CFAP57: variants seen among roughly 807,000 people sequenced by gnomAD.
The protein encoded by CFAP57 is cilia and flagella associated protein 57, also known as cilia- and flagella-associated protein 57.
A neutral mutation model predicts 146.8 loss-of-function variants in CFAP57; 116 were observed. That is an observed-to-expected ratio of 0.79 (90% CI 0.68 to 0.92). The LOEUF is 0.92. Ranked by LOEUF, CFAP57 falls within the 40% of genes least tolerant of loss-of-function variation. CFAP57 has a pLI of 0.00. For synonymous variants in CFAP57, 518 were observed against 552.8 expected (o/e 0.94, Z 0.88); for missense variants, 1,377 against 1,527.2 (o/e 0.90, Z 1.64).
rs373115482 is a variant in CFAP57 at position 43,209,750 on chromosome 1, G to T, written c.1763G>T (p.Arg588Leu). ...LKEIADSLIL[R>L]EISAFDVTYT... The stretch of plus-strand genomic sequence containing the variant: ...GAGCTGCCTGTGTCTCAGATCCTTC[G>T]AGAGATATCGGCGTTTGATGTCACC... The change falls in exon 11 of 23, where the codon CGA (arginine) becomes CTA (leucine). Residue 588 changes from arginine (R) to leucine (L), a missense_variant. Arg to Leu is a moderately radical substitution (Grantham distance 102, BLOSUM62 -2). Coordinates refer to ENST00000372492, the MANE Select transcript of CFAP57 (RefSeq NM_001378189.1). 2 of 1,613,898 alleles carry T rather than the reference G, an allele frequency of 1.2e-6. No homozygotes were observed. The highest frequency in any genetic ancestry group is 1.7e-6 in the Non-Finnish European group (2 of 1,180,002).
At chr1:43,207,015 C>A in intron 10 of CFAP57, 83 bp downstream of exon 10, 1 of 1,409,688 alleles carries the variant, frequency 7.1e-7, no homozygotes, top group Non-Finnish European at 1.0e-6. Flanking sequence ...AAAGTATGCA[C>A]GGAATGAGGG....
chr1:43,246,908 A>C (rs1206616398), intron 22 of CFAP57, among the ~76,000 whole-genome samples: 2 of 152,236 alleles, frequency 1.3e-5, no homozygotes, highest in Non-Finnish European at 2.9e-5. Flanking sequence ...AATTAGTTTG[A>C]GAGAAATTCT....
intron 2 of CFAP57, among the ~76,000 whole-genome samples, 175 bp downstream of exon 2, chr1:43,173,085 C>T (rs187520621): frequency 4.6e-5 from 7 of 152,224 alleles, no homozygotes; most frequent in Admixed American, 1.3e-4. Context: ...TAATCAGTCA[C>T]GCATATGTAG....
rs1646381977 is a variant in CFAP57, at chr1:43,254,001, C to T, written c.3563C>T (p.Thr1188Ile). Reference sequence around the variant, plus strand: ...GAACCCAGCAGGGACATGCTCAGCACAGCTCCCACCGCAAGGTTGAATGAG... The same window carrying T: ...GAACCCAGCAGGGACATGCTCAGCATAGCTCCCACCGCAAGGTTGAATGAG... ...ETEPSRDMLSTAPTARLNEQE... is the reference protein window; with the variant it reads ...ETEPSRDMLSIAPTARLNEQE... Residue 1188 changes from threonine (T) to isoleucine (I), a missense_variant, in exon 23 of 23, where the codon ACA (threonine) becomes ATA (isoleucine). Transcript: ENST00000372492. 2.1e-5 allele frequency: 33 copies of T among 1,550,574 alleles called. No homozygotes were observed. Among genetic ancestry groups the T allele is most frequent in the Non-Finnish European group, 2.7e-5 (31 of 1,147,012 alleles).
intron 18 of CFAP57, among the ~76,000 whole-genome samples, chr1:43,229,418 C>A (rs1284207392): frequency 2.0e-5 from 3 of 148,516 alleles, no homozygotes; most frequent in Non-Finnish European, 4.4e-5. Flanking sequence ...ATACCTGGGC[C>A]TGGGTGCTTC....
chr1:43,214,545 T>C (rs1271933734), intron 11 of CFAP57, among the ~76,000 whole-genome samples: 1 of 152,250 alleles, frequency 6.6e-6, no homozygotes, highest in Non-Finnish European at 1.5e-5. Flanking sequence ...TTTTTTCCAG[T>C]TTTCAGCTAT....
At position 43,199,259 on chromosome 1, in the gene CFAP57, A is replaced by C. The variant is rs974377518; in HGVS notation, c.1429-131A>C. 10 of 843,344 alleles carry C rather than the reference A, an allele frequency of 1.2e-5. No homozygotes were observed. The Admixed American group carries it at 1.7e-4, about 15-fold the overall frequency. The allele number at this position is 843,344 out of a possible 1,614,324, so 52.2% of individuals were successfully genotyped here. A position where few individuals can be genotyped will look rare whatever the true frequency, so the allele number is the denominator to read the frequency against. ...TCAGCCACTCCTCAGTCTCATTTGC[A>C]CCTTCCCCCCACTCCCACCCTCACA... is the stretch of plus-strand genomic sequence containing the variant. On this transcript the variant is annotated intron_variant, in intron 8 of 22. Coordinates refer to ENST00000372492, the MANE Select transcript of CFAP57 (RefSeq NM_001378189.1).
At chr1:43,200,173 A>G (rs1280088386) in intron 9 of CFAP57, among the ~76,000 whole-genome samples, 2 of 152,152 alleles carry the variant, frequency 1.3e-5, no homozygotes. Flanking sequence ...ACAGTTAGGG[A>G]GAAGTGGATG....
chr1:43,179,497 A>G (rs1325314049), intron 2 of CFAP57, among the ~76,000 whole-genome samples: 1 of 152,208 alleles, frequency 6.6e-6, no homozygotes, highest in Non-Finnish European at 1.5e-5. Flanking sequence ...TCAGTATTGT[A>G]GTGGAGGCAG....
chr1:43,195,927 C>T (rs986114196), intron 6 of CFAP57, among the ~76,000 whole-genome samples: 2 of 152,118 alleles, frequency 1.3e-5, no homozygotes, highest in South Asian at 2.1e-4. Context: ...TATGATGAAT[C>T]TCTGCAAGTC....
In CFAP57 at chr1:43,222,124, G is replaced by T; in HGVS notation, c.2361G>T (p.Lys787Asn). 1 of 1,547,580 alleles carries T rather than the reference G, an allele frequency of 6.5e-7. No homozygotes were observed. Among genetic ancestry groups the T allele is most frequent in the Non-Finnish European group, 8.7e-7 (1 of 1,145,416 alleles). The change falls in exon 15 of 23, where the codon AAG becomes AAT. Residue 787 changes from lysine to asparagine, a missense_variant. Physicochemically the swap from Lys to Asn is moderately conservative, Grantham distance 94. Transcript: ENST00000372492. ...CTCCAGAATGTTGCAACAACCAAAA[G>T]TTGCTTCTAGAATATGAGAAGTACC... ...LQDMECCNNQ[K>N]LLLEYEKYQE...
intron 5 of CFAP57, 120 bp from the exon 6 acceptor site, chr1:43,186,587 G>T: frequency 8.8e-7 from 1 of 1,136,348 alleles, no homozygotes; most frequent in Non-Finnish European, 1.2e-6. Flanking sequence ...CTCTGGCCTG[G>T]GCAAAAGAGC....
rs775283134 is a variant in CFAP57, at chr1:43,198,486, TG to T, written c.1270del (p.Glu424AsnfsTer23). 30 of 1,613,998 alleles carry T rather than the reference TG, an allele frequency of 1.9e-5. No homozygotes were observed. The highest frequency in any genetic ancestry group is 2.5e-5 in the Non-Finnish European group (30 of 1,180,018). ...GTAATTGATCTTTTTCACAGCACCC[TG>T]GAACTATTTAAGGAATACCAAGAAG... Reference protein sequence around the residue: ...IRLWNYETNTLELFKEYQEEA... With the variant: ...IRLWNYETNTXELFKEYQEEA... On this transcript the variant is annotated frameshift_variant, in exon 8 of 23. Transcript: ENST00000372492. LOFTEE classifies it high-confidence loss of function.
rs79967718 is a variant in CFAP57, at chr1:43,247,288, C to T, written c.3538+3929C>T. Among the ~76,000 whole-genome samples the T allele has an allele frequency of 9.6e-3, 1,463 of 152,288 alleles. 25 individuals carry two copies. Among genetic ancestry groups the T allele is most frequent in the African/African-American group, 0.034 (1,408 of 41,556 alleles). On this transcript the variant is annotated intron_variant, in intron 22 of 22. Transcript: ENST00000372492. ...CCCCAACATTTCCCCACTCAGTCTA[C>T]CCTGGAGACTACCATGTTACCCAGA... is the stretch of plus-strand genomic sequence containing the variant.
In CFAP57 at chr1:43,254,190, G is replaced by A; in HGVS notation, c.3752G>A (p.Ter1251=). The A allele has an allele frequency of 6.5e-7, 1 of 1,546,056 alleles. No individual in the cohort carries two copies. The highest frequency in any genetic ancestry group is 8.7e-7 in the Non-Finnish European group (1 of 1,144,474). ...GTAGACTTAGAGGTGAAGACCAACT[G>A]ACCCCCTCTGGTGAGCCATCTCCAG... ...SEVDLEVKTN[*] Residue 1251 remains the stop codon, a stop_retained_variant, in exon 23 of 23, where the codon TGA becomes TAA. Transcript: ENST00000372492.
In CFAP57 at chr1:43,174,449, C is replaced by T. The variant is rs183764479; in HGVS notation, c.157+1539C>T. ...AGACTATCATGTTATCTACAAATAACGATGACTTTCTTCCTTTTTCTTGTG... is the reference window on the plus strand; with the variant it reads ...AGACTATCATGTTATCTACAAATAATGATGACTTTCTTCCTTTTTCTTGTG... On this transcript the variant is annotated intron_variant, in intron 2 of 22. Coordinates refer to ENST00000372492, the MANE Select transcript of CFAP57 (RefSeq NM_001378189.1). Among the ~76,000 whole-genome samples, 325 of 152,286 alleles carry T rather than the reference C, an allele frequency of 2.1e-3. 3 individuals are homozygous for T. Among genetic ancestry groups the T allele is most frequent in the Non-Finnish European group, 4.1e-3 (278 of 68,026 alleles).
At chr1:43,250,177 T>C (rs2124693281) in intron 22 of CFAP57, 1 of 152,286 alleles carries the variant, frequency 6.6e-6, no homozygotes, top group African/African-American at 2.4e-5. Flanking sequence ...AATAGACACA[T>C]ACAAGTAGAC....
intron 12 of CFAP57, 143 bp downstream of exon 12, chr1:43,215,559 C>T: frequency 1.0e-6 from 1 of 957,438 alleles, no homozygotes; most frequent in Non-Finnish European, 1.5e-6. Flanking sequence ...CATCTGCTGT[C>T]CCCACAACCA....
At chr1:43,239,881 A>G (rs1465068796) in intron 21 of CFAP57, among the ~76,000 whole-genome samples, 3 of 152,158 alleles carry the variant, frequency 2.0e-5, no homozygotes, top group African/African-American at 7.2e-5. Flanking sequence ...CTTATTAGTA[A>G]GAATCTCATC....
Sources: gnomAD v4.1 joint callset for allele counts (sites outside exome capture counted in the v4.1 genomes callset) on GRCh38, gnomAD v4.1.1 for gene constraint, MANE v1.5 for transcripts, NCBI Gene and HGNC (gene_info 2026-07-23, HGNC 2026-07-21) for gene names.